Variants in RRP36 observed in about 807,000 individuals in gnomAD.
RRP36 encodes the protein ribosomal RNA processing 36.
In RRP36, 44 loss-of-function variants were observed where a neutral mutation model predicts 39.8. That is an observed-to-expected ratio of 1.10 (90% CI 0.87 to 1.42). RRP36 has a LOEUF of 1.42. RRP36 is among the 40% of genes most tolerant of loss of function. The pLI is 0.00. For synonymous variants in RRP36, 124 were observed against 123.1 expected (o/e 1.01, Z -0.05); for missense variants, 316 against 322.4 (o/e 0.98, Z 0.15).
chr6:43,027,798 C>G (rs1251499270), intron 6 of RRP36, among the ~76,000 whole-genome samples: 1 of 128,618 alleles, frequency 7.8e-6, no homozygotes, highest in Non-Finnish European at 1.6e-5. Context: ...CACACACACA[C>G]AAACACAGAG....
chr6:43,024,720 G>A (rs527955161), intron 1 of RRP36, among the ~76,000 whole-genome samples: 36 of 152,216 alleles, frequency 2.4e-4, no homozygotes, highest in African/African-American at 8.2e-4. Flanking sequence ...GAGAGTAAAA[G>A]AATGAGTAAA....
At position 43,029,301 on chromosome 6, in the gene RRP36, G is replaced by C; in HGVS notation, c.*73G>C. 1 of 1,570,634 alleles carries C rather than the reference G, an allele frequency of 6.4e-7. No homozygotes were observed. Among genetic ancestry groups the C allele is most frequent in the Non-Finnish European group, 8.7e-7 (1 of 1,149,394 alleles). Reference sequence around the variant, plus strand: ...TGTGAGGACAGATTTGGCCACGGCTGGTTTCCGTTCAAGGGCAAGGATCAC... The same window carrying C: ...TGTGAGGACAGATTTGGCCACGGCTCGTTTCCGTTCAAGGGCAAGGATCAC... On this transcript the variant is annotated 3_prime_UTR_variant, in exon 7 of 7. Transcript: ENST00000244496.
intron 1 of RRP36, among the ~76,000 whole-genome samples, chr6:43,022,565 C>G (rs976481016): frequency 2.7e-5 from 4 of 149,376 alleles, no homozygotes; most frequent in East Asian, 2.0e-4. Context: ...AGGCGCGTCA[C>G]CACGCCTGCA....
At position 43,021,747 on chromosome 6, in the gene RRP36, C is replaced by T; in HGVS notation, c.93C>T (p.Gly31=). 8.2e-7 allele frequency: 1 copy of T among 1,225,244 alleles called. No homozygotes were observed. The highest frequency in any genetic ancestry group is 1.0e-6 in the Non-Finnish European group (1 of 983,130). 75.9% of individuals were successfully genotyped at this position (1,225,244 alleles called of 1,614,324 possible). A position where few individuals can be genotyped will look rare whatever the true frequency, so the allele number is the denominator to read the frequency against. Residue 31 remains glycine, a synonymous_variant, in exon 1 of 7, where the codon GGC becomes GGT. Transcript: ENST00000244496. ...GARDREEDGG[G]LEPAAVARDL... Reference sequence around the variant, plus strand: ...GGGACCGCGAGGAGGACGGCGGGGGCCTGGAGCCCGCGGCCGTGGCCCGCG... The same window carrying T: ...GGGACCGCGAGGAGGACGGCGGGGGTCTGGAGCCCGCGGCCGTGGCCCGCG...
Position 43,021,797 on chromosome 6 carries a change from G to A in RRP36, c.130+13G>A, listed in dbSNP as rs1047014796. 2.7e-5 allele frequency: 33 copies of A among 1,214,154 alleles called. No homozygotes were observed. The highest frequency in any genetic ancestry group is 3.1e-5 in the African/African-American group (2 of 63,840). The allele number at this position is 1,214,154 out of a possible 1,614,324, so 75.2% of individuals were successfully genotyped here. A position where few individuals can be genotyped will look rare whatever the true frequency, so the allele number is the denominator to read the frequency against. The stretch of plus-strand genomic sequence containing the variant: ...GACCTATTGAGGGGTGAGGGCATGG[G>A]GCAGGGCGGGCTGGGGAGGGGAAGG... On this transcript the variant is annotated intron_variant, in intron 1 of 6. Transcript: ENST00000244496.
At chr6:43,024,767 G>GACCTTACATATACACCTTCC (rs1762781193) in intron 1 of RRP36, among the ~76,000 whole-genome samples, 1 of 152,200 alleles carries the variant, frequency 6.6e-6, no homozygotes, top group African/African-American at 2.4e-5. Flanking sequence ...GTGCACCTTT[G>GACCTTACATATACACCTTCC]ACCTTACATA....
chr6:43,026,919 A>G (rs1762821044), intron 4 of RRP36, among the ~76,000 whole-genome samples: 1 of 150,160 alleles, frequency 6.7e-6, no homozygotes, highest in Non-Finnish European at 1.5e-5. Flanking sequence ...AAAAAAAATT[A>G]GCCGGGCGTG....
intron 4 of RRP36, 137 bp downstream of exon 4, chr6:43,026,278 TC>T (rs1342314187): frequency 3.7e-6 from 2 of 544,244 alleles, no homozygotes; most frequent in Non-Finnish European, 6.7e-6. Flanking sequence ...CATATTCAAA[TC>T]CTGGCTCATC....
intron 3 of RRP36, among the ~76,000 whole-genome samples, chr6:43,025,570 C>T (rs1381468808): frequency 1.4e-5 from 2 of 145,248 alleles, no homozygotes; most frequent in Non-Finnish European, 3.0e-5. Context: ...TTGCAGTGAG[C>T]CAGGATCATG....
At chr6:43,027,735 CAGTG>C (rs1372255027) in intron 6 of RRP36, among the ~76,000 whole-genome samples, 2 of 112,232 alleles carry the variant, frequency 1.8e-5, no homozygotes, top group Admixed American at 1.1e-4. Context: ...AACACACACA[CAGTG>C]AGTTTTATCT....
Position 43,029,338 on chromosome 6 carries a change from A to C in RRP36, c.*110A>C. The C allele has an allele frequency of 1.6e-6, 2 of 1,281,740 alleles. No individual in the cohort carries two copies. Among genetic ancestry groups the C allele is most frequent in the South Asian group, 2.7e-5 (2 of 73,756 alleles). 79.4% of individuals were successfully genotyped at this position (1,281,740 alleles called of 1,614,324 possible). On this transcript the variant is annotated 3_prime_UTR_variant, in exon 7 of 7. Transcript: ENST00000244496. Reference sequence around the variant, plus strand: ...AGGGCAAGGATCACAGCTGCCCTTGAATCTCATTGCCTCAGAGAAGACTAG... The same window carrying C: ...AGGGCAAGGATCACAGCTGCCCTTGCATCTCATTGCCTCAGAGAAGACTAG...
At position 43,029,406 on chromosome 6, in the gene RRP36, G is replaced by A; in HGVS notation, c.*178G>A. 1.7e-6 allele frequency: 1 copy of A among 603,502 alleles called. No individual in the cohort carries two copies. Among genetic ancestry groups the A allele is most frequent in the Non-Finnish European group, 2.7e-6 (1 of 366,870 alleles). 37.4% of individuals were successfully genotyped at this position (603,502 alleles called of 1,614,324 possible). A position where few individuals can be genotyped will look rare whatever the true frequency, so the allele number is the denominator to read the frequency against. On this transcript the variant is annotated 3_prime_UTR_variant, in exon 7 of 7. Transcript: ENST00000244496. ...CCTAGGGCTACACAAGAATAGTTCA[G>A]CCTTCTGCCATGCCACACAGCCTCA...
chr6:43,023,184 G>C (rs901756310), intron 1 of RRP36, among the ~76,000 whole-genome samples: 3 of 152,174 alleles, frequency 2.0e-5, no homozygotes, highest in African/African-American at 7.2e-5. Context: ...GATCGCTTGA[G>C]CCCAGGAGTT....
chr6:43,025,027 G>C lies in RRP36; in HGVS notation c.173G>C (p.Ser58Thr). The C allele has an allele frequency of 6.2e-7, 1 of 1,614,188 alleles. No homozygotes were observed. Among genetic ancestry groups the C allele is most frequent in the Admixed American group, 1.7e-5 (1 of 60,022 alleles). ...TTTGAGGAGCTGTTGGAATTGCAGA[G>C]CCAAGTGGGGACTAAGACGTACAAA... Reference protein sequence around the residue: ...MSFEELLELQSQVGTKTYKQL... With the variant: ...MSFEELLELQTQVGTKTYKQL... The change falls in exon 2 of 7, where the codon AGC (serine) becomes ACC (threonine). Residue 58 changes from serine (S) to threonine (T), a missense_variant. Transcript: ENST00000244496.
chr6:43,024,841 A>G (rs1762782310), intron 1 of RRP36, 144 bp from the exon 2 acceptor site: 11 of 998,012 alleles, frequency 1.1e-5, no homozygotes, highest in Non-Finnish European at 1.6e-5. Flanking sequence ...TAACACTATC[A>G]CAGCCTCTGC....
Position 43,029,123 on chromosome 6 carries a change from G to T in RRP36, c.675G>T (p.Lys225Asn). ...SEQRQLALAEKFKELKRSKKL... is the reference protein window; with the variant it reads ...SEQRQLALAENFKELKRSKKL... ...AGCGCCAGTTGGCACTAGCTGAGAAGTTCAAGGAGCTGAAACGCAGCAAGA... is the reference window on the plus strand; with the variant it reads ...AGCGCCAGTTGGCACTAGCTGAGAATTTCAAGGAGCTGAAACGCAGCAAGA... The change falls in exon 7 of 7, where the codon AAG (lysine) becomes AAT (asparagine). Residue 225 changes from lysine to asparagine, a missense_variant. Transcript: ENST00000244496. The T allele has an allele frequency of 1.2e-6, 2 of 1,614,256 alleles. No individual in the cohort carries two copies. The highest frequency in any genetic ancestry group is 1.3e-5 in the African/African-American group (1 of 75,066).
rs1241013486 is a variant in RRP36 at position 43,025,017 on chromosome 6, G to A, written c.163G>A (p.Glu55Lys). 3.7e-6 allele frequency: 6 copies of A among 1,614,106 alleles called. No homozygotes were observed. Among genetic ancestry groups the A allele is most frequent in the Non-Finnish European group, 4.2e-6 (5 of 1,180,028 alleles). ...TSNMSFEELL[E>K]LQSQVGTKTY... ...TAACATGTCATTTGAGGAGCTGTTG[G>A]AATTGCAGAGCCAAGTGGGGACTAA... Residue 55 changes from glutamate (E) to lysine (K), a missense_variant, in exon 2 of 7, where the codon GAA (glutamate) becomes AAA (lysine). Transcript: ENST00000244496.
intron 6 of RRP36, among the ~76,000 whole-genome samples, chr6:43,028,255 G>A (rs906710700): frequency 7.2e-5 from 11 of 151,924 alleles, no homozygotes; most frequent in African/African-American, 1.2e-4. Flanking sequence ...ACTTGAGCCC[G>A]GGAGGTGGAG....
intron 1 of RRP36, among the ~76,000 whole-genome samples, chr6:43,024,273 C>G (rs777581975): frequency 7.2e-5 from 11 of 151,922 alleles, no homozygotes; most frequent in Admixed American, 1.3e-4. Flanking sequence ...GGAAGTGTAC[C>G]AAGCAGAGGC....
Sources: gnomAD v4.1 joint callset for allele counts (sites outside exome capture counted in the v4.1 genomes callset) on GRCh38, gnomAD v4.1.1 for gene constraint, MANE v1.5 for transcripts, NCBI Gene and HGNC (gene_info 2026-07-23, HGNC 2026-07-21) for gene names.